Variants in COL14A1 observed in about 807,000 individuals in gnomAD.
The protein encoded by COL14A1 is collagen type XIV alpha 1 chain, also known as collagen alpha-1(XIV) chain.
Under a neutral mutation model 230.3 loss-of-function variants are expected in COL14A1, and 136 were observed. The observed-to-expected ratio is 0.59, with a 90% CI of 0.51 to 0.68. The LOEUF (loss-of-function observed/expected upper bound fraction) is 0.68. Ranked by LOEUF, COL14A1 falls within the 30% of genes least tolerant of loss-of-function variation. The pLI is 0.00. For missense variants in COL14A1, 1,976 were observed against 2,215.8 expected, an observed-to-expected ratio of 0.89 and a Z score of 2.17; for synonymous variants, 792 against 784.1, an observed-to-expected ratio of 1.01 and a Z score of -0.17.
intron 36 of COL14A1, among the ~76,000 whole-genome samples, chr8:120,302,798 G>A (rs1286270618): frequency 6.6e-6 from 1 of 152,114 alleles, no homozygotes; most frequent in East Asian, 1.9e-4. Context: ...TAGTTTGATA[G>A]GAGCAGCAGT....
At position 120,148,937 on chromosome 8, in the gene COL14A1, C is replaced by T. The variant is rs146447269; in HGVS notation, c.88+1007C>T. ...ATTTTTATAAATAAAGTTTTAGTGG[C>T]GCACGTCATGCACATTTGTTTACAT... is the stretch of plus-strand genomic sequence containing the variant. On this transcript the variant is annotated intron_variant, in intron 2 of 47. Coordinates refer to ENST00000297848, the MANE Select transcript of COL14A1 (RefSeq NM_021110.4). 4.3e-3 allele frequency among the ~76,000 whole-genome samples: 652 copies of T among 152,288 alleles called. 4 individuals are homozygous for T. The highest frequency in any genetic ancestry group is 5.3e-3 in the Non-Finnish European group (358 of 68,020).
chr8:120,251,406 G>C (rs1331187443), intron 22 of COL14A1, among the ~76,000 whole-genome samples: 1 of 152,138 alleles, frequency 6.6e-6, no homozygotes, highest in Non-Finnish European at 1.5e-5. Context: ...TCTCAGAGGG[G>C]TCACTCCACC....
At chr8:120,254,621 A>G (rs1197783163) in intron 22 of COL14A1, among the ~76,000 whole-genome samples, 2 of 152,062 alleles carry the variant, frequency 1.3e-5, no homozygotes, top group Non-Finnish European at 2.9e-5. Flanking sequence ...AAGATTTAAA[A>G]TTACCCAACA....
Position 120,291,616 on chromosome 8 carries a change from G to GTATA in COL14A1, c.4236+1852_4236+1855dup, listed in dbSNP as rs1300136652. Among the ~76,000 whole-genome samples, 38 of 149,894 alleles carry GTATA rather than the reference G, an allele frequency of 2.5e-4. No homozygotes were observed. In the Admixed American group the frequency reaches 2.5e-3, roughly 10 times the overall value. On this transcript the variant is annotated intron_variant, in intron 34 of 47. Transcript: ENST00000297848. ...CACAAAGAAAGAGAAACCATTCTAGGTATATGAGATTCTGGGCCCAGATCA... is the reference window on the plus strand; with the variant it reads ...CACAAAGAAAGAGAAACCATTCTAGGTATATATATGAGATTCTGGGCCCAGATCA...
At chr8:120,343,512 G>A (rs1338176334) in intron 44 of COL14A1, among the ~76,000 whole-genome samples, 2 of 151,914 alleles carry the variant, frequency 1.3e-5, no homozygotes, top group East Asian at 1.9e-4. Flanking sequence ...TCTCACCCTG[G>A]AGGAGGCATG....
At chr8:120,128,263 T>TG in intron 1 of COL14A1, among the ~76,000 whole-genome samples, 1 of 132,706 alleles carries the variant, frequency 7.5e-6, no homozygotes, top group African/African-American at 2.7e-5. Context: ...GTGTGTGTGT[T>TG]GGAAATGTTG....
chr8:120,356,591 A>G (rs1369542290), intron 45 of COL14A1, among the ~76,000 whole-genome samples: 1 of 152,140 alleles, frequency 6.6e-6, no homozygotes, highest in Non-Finnish European at 1.5e-5. Context: ...TGGGAGATGG[A>G]TATTAAGCAA....
At chr8:120,226,985 T>G (rs184901453) in intron 16 of COL14A1, among the ~76,000 whole-genome samples, 4 of 152,330 alleles carry the variant, frequency 2.6e-5, no homozygotes, top group Admixed American at 1.3e-4. Flanking sequence ...TTTCAGATTC[T>G]TTGACTTTAA....
intron 19 of COL14A1, among the ~76,000 whole-genome samples, chr8:120,235,559 A>G (rs1818416066): frequency 6.6e-6 from 1 of 152,012 alleles, no homozygotes; most frequent in East Asian, 1.9e-4. Flanking sequence ...AATCTTTTCA[A>G]AAAACAAGCT....
Position 120,261,188 on chromosome 8 carries a change from G to A in COL14A1, c.2870-1680G>A, listed in dbSNP as rs1016310168. 3.3e-5 allele frequency among the ~76,000 whole-genome samples: 5 copies of A among 152,082 alleles called. No individual in the cohort carries two copies. In the East Asian group the frequency reaches 9.6e-4, roughly 29 times the overall value. Reference sequence around the variant, plus strand: ...TTTGATCATTGTACATTGTATAGAGGTATGAAAATATCACACAAACCCCCA... The same window carrying A: ...TTTGATCATTGTACATTGTATAGAGATATGAAAATATCACACAAACCCCCA... On this transcript the variant is annotated intron_variant, in intron 23 of 47. Transcript: ENST00000297848.
intron 45 of COL14A1, among the ~76,000 whole-genome samples, chr8:120,356,753 C>A (rs1268218411): frequency 6.6e-6 from 1 of 151,974 alleles, no homozygotes; most frequent in East Asian, 1.9e-4. Context: ...TGCTGAAATA[C>A]ATGTTGCCTT....
intron 36 of COL14A1, among the ~76,000 whole-genome samples, chr8:120,307,291 A>G (rs925516598): frequency 6.6e-6 from 1 of 152,182 alleles, no homozygotes; most frequent in Non-Finnish European, 1.5e-5. Context: ...CTGGGGGAAA[A>G]ACTATAATGA....
At chr8:120,275,943 G>A (rs572454551) in intron 26 of COL14A1, among the ~76,000 whole-genome samples, 120 of 151,784 alleles carry the variant, frequency 7.9e-4, no homozygotes, top group Non-Finnish European at 1.6e-3. Context: ...AGAACTAAAA[G>A]TAGATTTACC....
intron 26 of COL14A1, among the ~76,000 whole-genome samples, chr8:120,274,222 C>G (rs1182405246): frequency 6.6e-6 from 1 of 151,784 alleles, no homozygotes; most frequent in Non-Finnish European, 1.5e-5. Flanking sequence ...GAATTAATAA[C>G]AAAAACCATA....
chr8:120,169,435 T>G (rs1187418766), intron 5 of COL14A1, among the ~76,000 whole-genome samples: 1 of 152,236 alleles, frequency 6.6e-6, no homozygotes, highest in Non-Finnish European at 1.5e-5. Flanking sequence ...ATCATTTGTT[T>G]AATTTACATC....
At chr8:120,141,056 G>C (rs1563631643) in intron 1 of COL14A1, among the ~76,000 whole-genome samples, 4 of 152,176 alleles carry the variant, frequency 2.6e-5, no homozygotes, top group African/African-American at 7.2e-5. Flanking sequence ...TTGGGGCAAA[G>C]TTTTAACAAA....
intron 2 of COL14A1, among the ~76,000 whole-genome samples, chr8:120,154,778 T>C (rs984826181): frequency 6.6e-6 from 1 of 152,104 alleles, no homozygotes; most frequent in Non-Finnish European, 1.5e-5. Context: ...TAATGGAAGT[T>C]AAGTATATGT....
At chr8:120,309,933 T>A in intron 36 of COL14A1, 76 bp from the exon 37 acceptor site, 1 of 1,386,374 alleles carries the variant, frequency 7.2e-7, no homozygotes, top group Non-Finnish European at 1.0e-6. Flanking sequence ...AGTTAATTCA[T>A]ACTATTAAGG....
chr8:120,256,994 A>G (rs1031611889), intron 23 of COL14A1, among the ~76,000 whole-genome samples: 4 of 152,252 alleles, frequency 2.6e-5, no homozygotes, highest in Admixed American at 6.5e-5. Context: ...AATGGAATCA[A>G]TAAGATTCAT....
Sources: gnomAD v4.1 joint callset for allele counts (sites outside exome capture counted in the v4.1 genomes callset) on GRCh38, gnomAD v4.1.1 for gene constraint, MANE v1.5 for transcripts, NCBI Gene and HGNC (gene_info 2026-07-23, HGNC 2026-07-21) for gene names.